The following SGPP2 variants were observed in gnomAD, a reference collection of about 807,000 sequenced individuals.
SGPP2 encodes sphingosine 1-phosphate phosphohydrolase 2.
In SGPP2, 30 loss-of-function variants were observed where a neutral mutation model predicts 33.9. That is an observed-to-expected ratio of 0.89 (90% CI 0.66 to 1.20). The LOEUF (loss-of-function observed/expected upper bound fraction) is 1.20. Ranked by LOEUF, SGPP2 falls within the 50% of genes most tolerant of loss-of-function variation. SGPP2 has a pLI of 0.00. For missense variants in SGPP2, 458 were observed against 532.1 expected (o/e 0.86, Z 1.37); for synonymous variants, 233 against 225.0 (o/e 1.04, Z -0.32).
rs1323676392 is a variant in SGPP2, at chr2:222,562,607, A to G, written c.*3709A>G. 6.6e-6 allele frequency among the ~76,000 whole-genome samples: 1 copy of G among 152,166 alleles called. No homozygotes were observed. The highest frequency in any genetic ancestry group is 6.5e-5 in the Admixed American group (1 of 15,278). On this transcript the variant is annotated 3_prime_UTR_variant, in exon 5 of 5. Coordinates refer to ENST00000321276, the MANE Select transcript of SGPP2 (RefSeq NM_152386.4). ...CTTTTATTTGATTTTGACTTATTAA[A>G]TGCTTTAAAAGCCAGTGTTCTGTTT...
At chr2:222,463,696 G>C (rs1039719216) in intron 1 of SGPP2, among the ~76,000 whole-genome samples, 2 of 152,190 alleles carry the variant, frequency 1.3e-5, no homozygotes, top group Admixed American at 1.3e-4. Flanking sequence ...AGGGAAGTGG[G>C]AAAGCCCTTG....
intron 4 of SGPP2, among the ~76,000 whole-genome samples, chr2:222,555,455 T>G (rs903614619): frequency 1.9e-4 from 29 of 151,344 alleles, no homozygotes; most frequent in African/African-American, 3.4e-4. Context: ...GTTTTTTTTT[T>G]TTTTTTTTTT....
At chr2:222,426,036 C>G (rs758167048) in intron 1 of SGPP2, among the ~76,000 whole-genome samples, 3 of 151,558 alleles carry the variant, frequency 2.0e-5, no homozygotes, top group Admixed American at 6.6e-5. Flanking sequence ...CTTGCCTTGT[C>G]TTAAAAACGG....
At chr2:222,539,658 C>G (rs1352817036) in intron 4 of SGPP2, among the ~76,000 whole-genome samples, 1 of 152,226 alleles carries the variant, frequency 6.6e-6, no homozygotes, top group Non-Finnish European at 1.5e-5. Context: ...GCTCACGTTT[C>G]TGAGGCTTTG....
intron 1 of SGPP2, among the ~76,000 whole-genome samples, chr2:222,431,678 C>T (rs1463786671): frequency 1.3e-5 from 2 of 152,148 alleles, no homozygotes; most frequent in African/African-American, 4.8e-5. Context: ...TAACCCCAGA[C>T]CCACTGAGAG....
intron 1 of SGPP2, among the ~76,000 whole-genome samples, chr2:222,432,711 G>C (rs1422777598): frequency 1.3e-5 from 2 of 152,112 alleles, no homozygotes; most frequent in Non-Finnish European, 2.9e-5. Context: ...AGAGGTGGAG[G>C]GGGGAATGAA....
chr2:222,508,981 G>A (rs1698485505), intron 2 of SGPP2, among the ~76,000 whole-genome samples: 1 of 152,146 alleles, frequency 6.6e-6, no homozygotes, highest in African/African-American at 2.4e-5. Flanking sequence ...AGAAGTATGA[G>A]TGGCTATTCA....
In SGPP2 at chr2:222,561,037, G is replaced by A. The variant is rs983699712; in HGVS notation, c.*2139G>A. On this transcript the variant is annotated 3_prime_UTR_variant, in exon 5 of 5. Transcript: ENST00000321276. ...GGAGAATGGCGTGAACCCGGTGAGCGGAGCTTGCAGTGAGCCGAGATTGCG... is the reference window on the plus strand; with the variant it reads ...GGAGAATGGCGTGAACCCGGTGAGCAGAGCTTGCAGTGAGCCGAGATTGCG... 2.0e-5 allele frequency: 3 copies of A among 151,762 alleles called. No individual in the cohort carries two copies. The highest frequency in any genetic ancestry group is 2.9e-5 in the Non-Finnish European group (2 of 67,998). 9.4% of individuals were successfully genotyped at this position (151,762 alleles called of 1,614,324 possible). A position where few individuals can be genotyped will look rare whatever the true frequency, so the allele number is the denominator to read the frequency against.
intron 2 of SGPP2, among the ~76,000 whole-genome samples, chr2:222,518,650 G>C (rs1339215194): frequency 2.6e-5 from 4 of 152,174 alleles, no homozygotes; most frequent in Non-Finnish European, 1.5e-5. Context: ...TCACAGGAGG[G>C]AGGCAGAAAC....
chr2:222,543,036 C>T (rs1699020992), intron 4 of SGPP2, among the ~76,000 whole-genome samples: 1 of 152,160 alleles, frequency 6.6e-6, no homozygotes, highest in East Asian at 1.9e-4. Flanking sequence ...CTTGCTTTTT[C>T]ACCCTATTGG....
Position 222,552,859 on chromosome 2 carries a change from TCAAA to T in SGPP2, c.649-5475_649-5472del, listed in dbSNP as rs575149436. 1.9e-3 allele frequency among the ~76,000 whole-genome samples: 285 copies of T among 152,084 alleles called. 1 individual carries two copies. Among genetic ancestry groups the T allele is most frequent in the Admixed American group, 0.014 (216 of 15,272 alleles). On this transcript the variant is annotated intron_variant, in intron 4 of 4. Transcript: ENST00000321276. The stretch of plus-strand genomic sequence containing the variant: ...TGAGCAACAAGAGCGAAACTCCATC[TCAAA>T]CAAACAAACAAAGAATTTACTCATG...
chr2:222,450,341 G>A (rs142674230), intron 1 of SGPP2, among the ~76,000 whole-genome samples: 1 of 152,278 alleles, frequency 6.6e-6, no homozygotes, highest in Non-Finnish European at 1.5e-5. Flanking sequence ...CATTGTTGAA[G>A]CTCCTTTTAG....
In SGPP2 at chr2:222,524,953, G is replaced by T. The variant is rs575662001; in HGVS notation, c.568G>T (p.Val190Leu). The T allele has an allele frequency of 2.6e-5, 42 of 1,613,784 alleles. No homozygotes were observed. In the South Asian group the frequency reaches 3.8e-4, roughly 15 times the overall value. Reference protein sequence around the residue: ...STMDRYQYPFVLGLVMAVVFS... With the variant: ...STMDRYQYPFLLGLVMAVVFS... ...TCTCCTTCCCCCACAGTATCCATTT[G>T]TGTTGGGACTGGTGATGGCCGTGGT... Residue 190 changes from valine to leucine, a missense_variant, in exon 4 of 5, where the codon GTG (valine) becomes TTG (leucine). Transcript: ENST00000321276.
chr2:222,532,128 G>T (rs1473143927), intron 4 of SGPP2, among the ~76,000 whole-genome samples: 1 of 152,110 alleles, frequency 6.6e-6, no homozygotes, highest in Non-Finnish European at 1.5e-5. Flanking sequence ...CAAAAAATTA[G>T]CCAGGTGTGC....
chr2:222,459,571 G>A (rs1483510942), intron 1 of SGPP2, among the ~76,000 whole-genome samples: 1 of 152,036 alleles, frequency 6.6e-6, no homozygotes, highest in Non-Finnish European at 1.5e-5. Context: ...TTATAGCATA[G>A]AAAGCATGAG....
chr2:222,444,878 A>G (rs766950440), intron 1 of SGPP2, among the ~76,000 whole-genome samples: 1 of 152,194 alleles, frequency 6.6e-6, no homozygotes, highest in Non-Finnish European at 1.5e-5. Context: ...TTCATGCATA[A>G]GACTAAAATA....
At position 222,467,819 on chromosome 2, in the gene SGPP2, T is replaced by G. The variant is rs369005129; in HGVS notation, c.220-6749T>G. 7.2e-4 allele frequency among the ~76,000 whole-genome samples: 109 copies of G among 151,944 alleles called. 4 individuals carry two copies. In the East Asian group the frequency reaches 0.012, roughly 16 times the overall value. On this transcript the variant is annotated intron_variant, in intron 1 of 4. Coordinates refer to ENST00000321276, the MANE Select transcript of SGPP2 (RefSeq NM_152386.4). ...CAGAGAACAAGCTCTTTCTGCTGTT[T>G]CCAATTAAACTGGATGGCTTAGAGT...
intron 2 of SGPP2, among the ~76,000 whole-genome samples, chr2:222,511,619 C>T (rs570641156): frequency 6.6e-6 from 1 of 152,298 alleles, no homozygotes; most frequent in East Asian, 1.9e-4. Context: ...TAGGGCAAGC[C>T]ACACGTTGAG....
At chr2:222,495,139 C>G (rs987382211) in intron 2 of SGPP2, among the ~76,000 whole-genome samples, 5 of 152,184 alleles carry the variant, frequency 3.3e-5, no homozygotes, top group African/African-American at 1.2e-4. Context: ...CCTAGCCAGG[C>G]ATGGTGGCTC....
Sources: allele counts gnomAD v4.1 joint callset (sites outside exome capture counted in the v4.1 genomes callset), GRCh38; gene constraint gnomAD v4.1.1; transcripts MANE v1.5; gene names NCBI Gene and HGNC (gene_info 2026-07-23, HGNC 2026-07-21).